TTC39B: variants seen among roughly 807,000 people sequenced by gnomAD.
The protein encoded by TTC39B is tetratricopeptide repeat domain 39B, also known as tetratricopeptide repeat protein 39B.
TTC39B carries 92 observed loss-of-function variants against 96.6 expected under a neutral mutation model. The ratio of observed to expected loss-of-function variants is 0.95; its 90% CI spans 0.80 to 1.13. The LOEUF (loss-of-function observed/expected upper bound fraction) is 1.13, where lower values mean the gene tolerates loss of function less well. Ranked by LOEUF, TTC39B falls within the 50% of genes most tolerant of loss-of-function variation. The probability of loss-of-function intolerance (pLI) is 0.00; values close to 1 mark genes in which losing one functional copy is unlikely to be tolerated. For missense variants in TTC39B, 955 were observed against 809.3 expected (o/e 1.18, Z -2.18); for synonymous variants, 367 against 299.4 (o/e 1.23, Z -2.33).
exon 20 of TTC39B, chr9:15,166,605 A>G (rs1413056380): frequency 6.6e-6 from 1 of 152,176 alleles, no homozygotes; most frequent in African/African-American, 2.4e-5. Flanking sequence ...TGTCCTTTTC[A>G]TTACATTTCA....
At chr9:15,170,263 T>G (rs560239385) in exon 20 of TTC39B, 1 of 78,654 alleles carries the variant, frequency 1.3e-5, no homozygotes, top group African/African-American at 5.8e-5. Context: ...AGCCACACAC[T>G]GCTTGATACA....
In TTC39B at chr9:15,189,648, A is replaced by G. The variant is rs1818740493; in HGVS notation, c.1174-15T>C. On this transcript the variant is annotated splice_polypyrimidine_tract_variant and intron_variant, in intron 12 of 19. Coordinates refer to ENST00000512701, the Ensembl canonical transcript of TTC39B. ...ACGAGTGAGCCCTGCAGAGCAAGGA[A>G]GAAAACACACTGTTCAACAGTCAAC... is the stretch of plus-strand genomic sequence containing the variant. 1 of 1,614,102 alleles carries G rather than the reference A, an allele frequency of 6.2e-7. No homozygotes were observed. The highest frequency in any genetic ancestry group is 1.3e-5 in the African/African-American group (1 of 74,944).
intron 9 of TTC39B, 22 bp from the exon 10 acceptor site, chr9:15,191,277 T>C (rs184396275): frequency 1.4e-3 from 2,115 of 1,534,726 alleles, no homozygotes; most frequent in Admixed American, 1.8e-3. Context: ...AAATATACAG[T>C]GTACTTATGT....
At chr9:15,182,754 TAAGTA>T (rs1413944135) in intron 16 of TTC39B, among the ~76,000 whole-genome samples, 2 of 152,222 alleles carry the variant, frequency 1.3e-5, no homozygotes, top group African/African-American at 4.8e-5. Context: ...TTGTTACTTT[TAAGTA>T]AAGAAAAATA....
At chr9:15,295,341 C>T (rs1231342415) in intron 1 of TTC39B, among the ~76,000 whole-genome samples, 1 of 152,138 alleles carries the variant, frequency 6.6e-6, no homozygotes, top group East Asian at 1.9e-4. Context: ...CAAAAATAGG[C>T]AGGAGGTGGG....
intron 6 of TTC39B, among the ~76,000 whole-genome samples, chr9:15,205,102 C>T (rs564757930): frequency 2.6e-5 from 4 of 152,254 alleles, no homozygotes; most frequent in Non-Finnish European, 5.9e-5. Context: ...CTGCTGGTTT[C>T]CTCATTTATA....
At chr9:15,225,824 C>G in intron 3 of TTC39B, 93 bp downstream of exon 3, 1 of 1,159,540 alleles carries the variant, frequency 8.6e-7, no homozygotes, top group Non-Finnish European at 1.2e-6. Flanking sequence ...GTTTGTCAAA[C>G]GCAATGCACT....
intron 1 of TTC39B, among the ~76,000 whole-genome samples, chr9:15,290,835 G>GA (rs775890766): frequency 6.6e-5 from 10 of 152,052 alleles, no homozygotes; most frequent in Non-Finnish European, 1.3e-4. Flanking sequence ...ATCGTCTTTG[G>GA]AAAATGCACA....
Position 15,306,969 on chromosome 9 carries a change from C to T in TTC39B, c.240+115G>A. On this transcript the variant is annotated intron_variant, in intron 1 of 19. Coordinates refer to ENST00000512701, the Ensembl canonical transcript of TTC39B. The surrounding 1 kb of genome is among the most constrained non-coding windows in gnomAD (Gnocchi z 5.1). ...CCACCCGGCGCCCGCCAGCCCACCC[C>T]AGAGAGGGGACCAAGGGGGCGGGGC... The T allele has an allele frequency of 6.7e-7, 1 of 1,484,548 alleles. No homozygotes were observed. The highest frequency in any genetic ancestry group is 9.0e-7 in the Non-Finnish European group (1 of 1,105,830). The allele number at this position is 1,484,548 out of a possible 1,614,324, so 92.0% of individuals were successfully genotyped here.
chr9:15,182,285 G>T, intron 17 of TTC39B, 22 bp downstream of exon 17: 2 of 1,500,122 alleles, frequency 1.3e-6, no homozygotes, highest in Non-Finnish European at 1.8e-6. Flanking sequence ...AAGGCTCCTC[G>T]GTGCTTACTG....
chr9:15,168,994 A>T (rs1817579835), exon 20 of TTC39B: 2 of 152,180 alleles, frequency 1.3e-5, no homozygotes, highest in Non-Finnish European at 1.5e-5. Flanking sequence ...TGAAGCCCTA[A>T]TAAAAGAATC....
chr9:15,250,579 G>A (rs1822490126), intron 2 of TTC39B, among the ~76,000 whole-genome samples: 1 of 152,128 alleles, frequency 6.6e-6, no homozygotes. Flanking sequence ...AATTAGCAAA[G>A]GGAATTAAAC....
intron 16 of TTC39B, among the ~76,000 whole-genome samples, chr9:15,183,920 G>C (rs571827551): frequency 6.6e-6 from 1 of 152,302 alleles, no homozygotes; most frequent in East Asian, 1.9e-4. Context: ...AGTTCTCTGA[G>C]TTTGTGTTAG....
intron 1 of TTC39B, among the ~76,000 whole-genome samples, chr9:15,297,722 T>A (rs767178837): frequency 6.6e-6 from 1 of 152,142 alleles, no homozygotes; most frequent in Non-Finnish European, 1.5e-5. Context: ...ACTCTGGGCT[T>A]GTCTACCTCC....
chr9:15,252,060 T>C (rs866781714), intron 2 of TTC39B, among the ~76,000 whole-genome samples: 1 of 152,050 alleles, frequency 6.6e-6, no homozygotes, highest in Non-Finnish European at 1.5e-5. Context: ...AAAAGAAAAC[T>C]ATAGATTCTT....
chr9:15,199,962 C>G, intron 7 of TTC39B, 37 bp from the exon 8 acceptor site: 1 of 1,300,296 alleles, frequency 7.7e-7, no homozygotes, highest in Non-Finnish European at 1.1e-6. Flanking sequence ...GATTATTTAG[C>G]AAAAAATTTT....
chr9:15,166,983 TATATA>T (rs1210466369), exon 20 of TTC39B: 21 of 4,354 alleles, frequency 4.8e-3, no homozygotes, highest in African/African-American at 8.8e-3. Flanking sequence ...ACCTTTATTT[TATATA>T]TATATATATA....
intron 19 of TTC39B, among the ~76,000 whole-genome samples, chr9:15,174,706 A>G (rs1215600686): frequency 6.6e-6 from 1 of 152,198 alleles, no homozygotes; most frequent in Non-Finnish European, 1.5e-5. Flanking sequence ...AAAGCTAAAA[A>G]TATTTACTAT....
Position 15,215,125 on chromosome 9 carries a change from T to G in TTC39B, c.372-876A>C, listed in dbSNP as rs1820435981. ...TTTTTAAATAGCCAGGCATGTGGTG[T>G]GTGCCTGTAATCCCAGCTACAGGCA... On this transcript the variant is annotated intron_variant, in intron 3 of 19. Coordinates refer to ENST00000512701, the Ensembl canonical transcript of TTC39B. Among the ~76,000 whole-genome samples, 4 of 152,072 alleles carry G rather than the reference T, an allele frequency of 2.6e-5. No individual in the cohort carries two copies. In the South Asian group the frequency reaches 6.2e-4, roughly 24 times the overall value.
Sources: gnomAD v4.1 joint callset for allele counts (sites outside exome capture counted in the v4.1 genomes callset) on GRCh38, gnomAD v4.1.1 for gene constraint, Gnocchi (gnomAD v3.1) non-coding constraint, MANE v1.5 for transcripts, NCBI Gene and HGNC (gene_info 2026-07-23, HGNC 2026-07-21) for gene names.